MTCH1: variants seen among roughly 807,000 people sequenced by gnomAD.
MTCH1 encodes the protein mitochondrial carrier 1.
A neutral mutation model predicts 49.3 loss-of-function variants in MTCH1; 23 were observed. That is an observed-to-expected ratio of 0.47 (90% CI 0.34 to 0.66). The LOEUF (loss-of-function observed/expected upper bound fraction) is 0.66, where lower values mean the gene tolerates loss of function less well. MTCH1 is among the 30% of genes least tolerant of loss of function. The probability of loss-of-function intolerance (pLI) is 0.01; values close to 1 mark genes in which losing one functional copy is unlikely to be tolerated. For missense variants in MTCH1, 397 were observed against 532.1 expected (o/e 0.75, Z 2.50); for synonymous variants, 229 against 215.2 (o/e 1.06, Z -0.56).
At chr6:36,970,225 CCT>C in intron 10 of MTCH1, 111 bp from the exon 11 acceptor site, 5 of 1,433,880 alleles carry the variant, frequency 3.5e-6, no homozygotes, top group Non-Finnish European at 3.9e-6. Context: ...CACCCTGACC[CCT>C]GACACCACAG....
intron 3 of MTCH1, 69 bp from the exon 4 acceptor site, chr6:36,978,224 C>T (rs139682926): frequency 6.9e-5 from 94 of 1,357,438 alleles, no homozygotes; most frequent in Admixed American, 1.9e-4. Context: ...GGGACTTGGG[C>T]GGCAGGAACC....
In MTCH1 at chr6:36,971,417, C is replaced by T. The variant is rs145850034; in HGVS notation, c.907-723G>A. On this transcript the variant is annotated intron_variant, in intron 8 of 11. Coordinates refer to ENST00000373627, the MANE Select transcript of MTCH1 (RefSeq NM_001271641.2). Reference sequence around the variant, plus strand: ...AGCCTCTGGTCAGACAGCTGCCCACCTAGATGAGAAACCACTTAGCGGTGC... The same window carrying T: ...AGCCTCTGGTCAGACAGCTGCCCACTTAGATGAGAAACCACTTAGCGGTGC... 5.3e-5 allele frequency among the ~76,000 whole-genome samples: 8 copies of T among 152,258 alleles called. No homozygotes were observed. The East Asian group carries it at 1.5e-3, about 29-fold the overall frequency.
At chr6:36,986,210 G>T (rs1463377057), upstream of MTCH1, 2 of 1,406,756 alleles carry the variant, frequency 1.4e-6, no homozygotes, top group South Asian at 1.5e-5. Context: ...GTCACGTGAC[G>T]GGGCCACGCC....
chr6:36,969,428 C>T lies in MTCH1; in HGVS notation c.1099-454G>A, dbSNP rs540370838. ...TGCCCCATTTCACTGCGAGGCAAAT[C>T]AAGGCCAGGAAAAGGCAAGGTTCTG... On this transcript the variant is annotated intron_variant, in intron 11 of 11. Transcript: ENST00000373627. The T allele has an allele frequency of 5.6e-6, 6 of 1,065,518 alleles. No homozygotes were observed. In the South Asian group the frequency reaches 1.8e-4, roughly 32 times the overall value. 66.0% of individuals were successfully genotyped at this position (1,065,518 alleles called of 1,614,324 possible). A position where few individuals can be genotyped will look rare whatever the true frequency, so the allele number is the denominator to read the frequency against.
rs778659193 is a variant in MTCH1 at position 36,986,126 on chromosome 6, G to T, written c.48C>A (p.Ala16=). Residue 16 remains alanine, a synonymous_variant, in exon 1 of 12, where the codon GCC becomes GCA. Coordinates refer to ENST00000373627, the MANE Select transcript of MTCH1 (RefSeq NM_001271641.2). ...PEVAPWARGG[A]AGMAGAGAGA... is the part of the protein sequence containing the mutation. ...CAGCTCCGGCTCCCGCCATCCCCGCGGCACCGCCGCGAGCCCAGGGCGCCA... is the reference window on the plus strand; with the variant it reads ...CAGCTCCGGCTCCCGCCATCCCCGCTGCACCGCCGCGAGCCCAGGGCGCCA... 8 of 1,435,492 alleles carry T rather than the reference G, an allele frequency of 5.6e-6. No individual in the cohort carries two copies. Among genetic ancestry groups the T allele is most frequent in the South Asian group, 1.4e-5 (1 of 72,650 alleles). The allele number at this position is 1,435,492 out of a possible 1,614,324, so 88.9% of individuals were successfully genotyped here. A position where few individuals can be genotyped will look rare whatever the true frequency, so the allele number is the denominator to read the frequency against.
Position 36,977,747 on chromosome 6 carries a change from C to T in MTCH1, c.592-56G>A, listed in dbSNP as rs561060820. 2 of 1,483,872 alleles carry T rather than the reference C, an allele frequency of 1.3e-6. No individual in the cohort carries two copies. Among genetic ancestry groups the T allele is most frequent in the East Asian group, 2.4e-5 (1 of 41,698 alleles). 91.9% of individuals were successfully genotyped at this position (1,483,872 alleles called of 1,614,324 possible). A position where few individuals can be genotyped will look rare whatever the true frequency, so the allele number is the denominator to read the frequency against. ...ACCCTCGGCCTGTCTCTGGAACTGG[C>T]CCTCGAGGGGAGCTACAAGTGCTCA... On this transcript the variant is annotated intron_variant, in intron 4 of 11. Transcript: ENST00000373627. The surrounding 1 kb of genome is among the most constrained non-coding windows in gnomAD (Gnocchi z 5.4).
At chr6:36,978,875 C>CTTTTTT (rs11322816) in intron 2 of MTCH1, among the ~76,000 whole-genome samples, 24 of 100,414 alleles carry the variant, frequency 2.4e-4, no homozygotes, top group South Asian at 1.1e-3. Flanking sequence ...TCCCTCCCTC[C>CTTTTTT]TTTTTTTTTT....
chr6:36,978,091 T>C lies in MTCH1; in HGVS notation c.578A>G (p.Lys193Arg). ...CTCAACACCCACCTCCTTCACAACT[T>C]TCTTCAGGGAAGTCTTCATATCATC... ...NKDDMKTSLK[K>R]VVKETSYEMM... The change falls in exon 4 of 12, where the codon AAA becomes AGA. Residue 193 changes from lysine to arginine, a missense_variant. Transcript: ENST00000373627. 2 of 1,612,892 alleles carry C rather than the reference T, an allele frequency of 1.2e-6. No homozygotes were observed. Among genetic ancestry groups the C allele is most frequent in the South Asian group, 1.1e-5 (1 of 91,062 alleles).
chr6:36,974,498 C>G (rs748409), intron 7 of MTCH1, among the ~76,000 whole-genome samples: 34,953 of 151,980 alleles, frequency 0.23, 4,072 homozygotes, highest in Middle Eastern at 0.3. Context: ...CTAATCCCAA[C>G]TAACTGGGAT....
intron 7 of MTCH1, among the ~76,000 whole-genome samples, chr6:36,973,506 T>C (rs1476993405): frequency 1.3e-5 from 2 of 152,186 alleles, no homozygotes; most frequent in African/African-American, 4.8e-5. Flanking sequence ...AATCTTATAT[T>C]TGAAAAACTC....
chr6:36,978,246 T>C (rs1763961640), intron 3 of MTCH1, 91 bp from the exon 4 acceptor site: 1 of 1,200,590 alleles, frequency 8.3e-7, no homozygotes, highest in East Asian at 2.4e-5. Context: ...GCTCCAAATA[T>C]TTCCTCTGCA....
intron 11 of MTCH1, chr6:36,969,200 G>A (rs1425523526): frequency 3.0e-6 from 3 of 985,266 alleles, no homozygotes; most frequent in Non-Finnish European, 3.6e-6. Context: ...CTCTGTAGGA[G>A]AGCCCTAGAG....
intron 11 of MTCH1, 79 bp downstream of exon 11, chr6:36,969,960 T>C (rs1251838917): frequency 6.3e-7 from 1 of 1,577,720 alleles, no homozygotes; most frequent in Admixed American, 1.9e-5. Context: ...TTGCATGCAA[T>C]GAAGCATCCA....
At chr6:36,969,574 C>T (rs1295920807) in intron 11 of MTCH1, 4 of 1,161,482 alleles carry the variant, frequency 3.4e-6, no homozygotes, top group South Asian at 1.8e-5. Flanking sequence ...CCACGTGGCC[C>T]AGCCCCACCC....
intron 6 of MTCH1, among the ~76,000 whole-genome samples, chr6:36,976,049 T>C (rs977959185): frequency 7.9e-5 from 12 of 152,262 alleles, no homozygotes; most frequent in Admixed American, 7.2e-4. Context: ...GGCCCTTCTC[T>C]TACCCGGCCC....
At chr6:36,986,321 C>T (rs979035533), upstream of MTCH1, 161 of 743,382 alleles carry the variant, frequency 2.2e-4, no homozygotes, top group Non-Finnish European at 2.5e-4. Flanking sequence ...GATGTGGCTC[C>T]CCGGCCGGTT....
rs1285571723 is a variant in MTCH1 at position 36,972,197 on chromosome 6, C to T, written c.906+455G>A. Among the ~76,000 whole-genome samples, 2 of 152,040 alleles carry T rather than the reference C, an allele frequency of 1.3e-5. No homozygotes were observed. Among genetic ancestry groups the T allele is most frequent in the Non-Finnish European group, 2.9e-5 (2 of 68,016 alleles). ...TCCAGAATTTGTGATCTCTGGGTCT[C>T]GATTTCTGTATTGGTAAACGAACAT... On this transcript the variant is annotated intron_variant, in intron 8 of 11. Transcript: ENST00000373627. This position sits in a 1 kb window ranked among gnomAD's most constrained non-coding sequence, Gnocchi z 4.1.
Position 36,972,986 on chromosome 6 carries a change from G to T in MTCH1, c.762-190C>A, listed in dbSNP as rs937112623. On this transcript the variant is annotated intron_variant, in intron 7 of 11. Transcript: ENST00000373627. This position sits in a 1 kb window ranked among gnomAD's most constrained non-coding sequence, Gnocchi z 4.1. The stretch of plus-strand genomic sequence containing the variant: ...GGGAAGATAGTGCTCCTTTTCCCAT[G>T]GGGAGGTGTTCTATGCCGCTTTGGA... 6.6e-6 allele frequency among the ~76,000 whole-genome samples: 1 copy of T among 152,146 alleles called. No individual in the cohort carries two copies. Among genetic ancestry groups the T allele is most frequent in the African/African-American group, 2.4e-5 (1 of 41,426 alleles).
chr6:36,975,755 G>A (rs17554163), intron 6 of MTCH1, 38 bp from the exon 7 acceptor site: 70,201 of 1,599,188 alleles, frequency 0.044, 1,754 homozygotes, highest in Non-Finnish European at 0.047. Flanking sequence ...GGGTCATGCA[G>A]TCACCTACCA....
Sources: allele counts gnomAD v4.1 joint callset (sites outside exome capture counted in the v4.1 genomes callset), GRCh38; gene constraint gnomAD v4.1.1; non-coding constraint Gnocchi (gnomAD v3.1); transcripts MANE v1.5; gene names NCBI Gene and HGNC (gene_info 2026-07-23, HGNC 2026-07-21).